TEX29: variants seen among roughly 807,000 people sequenced by gnomAD.
TEX29 encodes the protein testis expressed 29, also known as testis-expressed protein 29.
A neutral mutation model predicts 18.2 loss-of-function variants in TEX29; 26 were observed. That is an observed-to-expected ratio of 1.43 (90% CI 1.04 to 1.98). The LOEUF (loss-of-function observed/expected upper bound fraction) is 1.98, where lower values mean the gene tolerates loss of function less well. Among genes scored for constraint, TEX29 ranks in the 30% most tolerant of loss-of-function variants. TEX29 has a pLI of 0.00. For missense variants in TEX29, 177 were observed against 194.2 expected (o/e 0.91, Z 0.53); for synonymous variants, 83 against 78.5 (o/e 1.06, Z -0.31).
Position 111,320,914 on chromosome 13 carries a change from G to C in TEX29, c.24G>C (p.Lys8Asn), listed in dbSNP as rs1410758028. The change falls in exon 2 of 6, where the codon AAG becomes AAC. Residue 8 changes from lysine to asparagine, a missense_variant. Coordinates refer to ENST00000283547, the MANE Select transcript of TEX29 (RefSeq NM_152324.3). MEYVLEV[K>N]NSPRHLLKQF... is the part of the protein sequence containing the mutation. ...CAATGGAATACGTGCTGGAAGTGAA[G>C]AACTCTCCGCGGCACCTCCTGAAGC... The C allele has an allele frequency of 2.0e-6, 3 of 1,464,570 alleles. No homozygotes were observed. The African/African-American group carries it at 4.4e-5, about 21-fold the overall frequency. The allele number at this position is 1,464,570 out of a possible 1,614,324, so 90.7% of individuals were successfully genotyped here.
rs1049338448 is a variant in TEX29 at position 111,320,742 on chromosome 13, C to T, written c.-55C>T. On this transcript the variant is annotated 5_prime_UTR_variant, in exon 1 of 6. Coordinates refer to ENST00000283547, the MANE Select transcript of TEX29 (RefSeq NM_152324.3). ...AGAGGCACAGGTGGCTGAGGGGACC[C>T]GCCTGGGATGTGAGGCGCAGGTGAG... The T allele has an allele frequency of 7.6e-6, 7 of 916,264 alleles. No homozygotes were observed. The highest frequency in any genetic ancestry group is 3.3e-5 in the African/African-American group (2 of 61,348). The allele number at this position is 916,264 out of a possible 1,614,324, so 56.8% of individuals were successfully genotyped here.
At chr13:111,318,684 G>T (rs2093658709), upstream of TEX29, among the ~76,000 whole-genome samples, 1 of 152,338 alleles carries the variant, frequency 6.6e-6, no homozygotes, top group African/African-American at 2.4e-5. Flanking sequence ...GCCCAGGTTG[G>T]TGCCTGCTGT....
Position 111,320,670 on chromosome 13 carries a change from A to G in TEX29, c.-127A>G. ...GTGAGCGGCAGACAGAGGGGTGGCC[A>G]GTTTGTTGTTTTACCTAAAAGGTGT... On this transcript the variant is annotated 5_prime_UTR_variant, in exon 1 of 6. Coordinates refer to ENST00000283547, the MANE Select transcript of TEX29 (RefSeq NM_152324.3). The G allele has an allele frequency of 1.7e-6, 1 of 596,700 alleles. No individual in the cohort carries two copies. Among genetic ancestry groups the G allele is most frequent in the Non-Finnish European group, 3.0e-6 (1 of 330,922 alleles). The allele number at this position is 596,700 out of a possible 1,614,324, so 37.0% of individuals were successfully genotyped here. A position where few individuals can be genotyped will look rare whatever the true frequency, so the allele number is the denominator to read the frequency against.
intron 2 of TEX29, among the ~76,000 whole-genome samples, chr13:111,325,023 G>T (rs2093670505): frequency 6.6e-6 from 1 of 152,166 alleles, no homozygotes. Flanking sequence ...CACGCAGACG[G>T]GGTGACGGGA....
In TEX29 at chr13:111,335,962, G is replaced by A. The variant is rs1026269113; in HGVS notation, c.170-3901G>A. ...CCTGTTTGTAAGTGTTGGCATGTAT[G>A]TCGAACATGGCTTAAGTTAGAACAA... On this transcript the variant is annotated intron_variant, in intron 3 of 5. Coordinates refer to ENST00000283547, the MANE Select transcript of TEX29 (RefSeq NM_152324.3). Among the ~76,000 whole-genome samples the A allele has an allele frequency of 3.3e-5, 5 of 152,188 alleles. No homozygotes were observed. The East Asian group carries it at 9.6e-4, about 29-fold the overall frequency.
intron 2 of TEX29, among the ~76,000 whole-genome samples, chr13:111,321,516 G>A (rs1257112911): frequency 6.6e-6 from 1 of 152,172 alleles, no homozygotes; most frequent in Non-Finnish European, 1.5e-5. Context: ...TCCCCCGGGA[G>A]GCAGGAGATG....
At chr13:111,327,199 C>T (rs1270743361) in intron 2 of TEX29, among the ~76,000 whole-genome samples, 2 of 152,230 alleles carry the variant, frequency 1.3e-5, no homozygotes, top group South Asian at 2.1e-4. Context: ...GGCATCGCCT[C>T]GGCAGGGCTC....
rs555694016 is a variant in TEX29, at chr13:111,339,874, G to C, written c.181G>C (p.Val61Leu). The change falls in exon 4 of 6, where the codon GTG becomes CTG. Residue 61 changes from valine to leucine, a missense_variant. Val to Leu is a conservative substitution (Grantham distance 32). Coordinates refer to ENST00000283547, the MANE Select transcript of TEX29 (RefSeq NM_152324.3). ...YKKAVPIYIH[V>L]FSALIVIIAG... ...CCACCATTTTTCAGTTTACATCCAC[G>C]TGTTCTCTGCCTTGATTGTGATCAT... The C allele has an allele frequency of 8.1e-6, 13 of 1,612,978 alleles. No homozygotes were observed. Among genetic ancestry groups the C allele is most frequent in the African/African-American group, 5.4e-5 (4 of 74,520 alleles).
chr13:111,336,972 C>T (rs1430174241), intron 3 of TEX29, among the ~76,000 whole-genome samples: 1 of 152,224 alleles, frequency 6.6e-6, no homozygotes, highest in Non-Finnish European at 1.5e-5. Flanking sequence ...CAGGACTTCA[C>T]TCACATAATT....
intron 3 of TEX29, among the ~76,000 whole-genome samples, chr13:111,332,783 A>AT (rs201840114): frequency 2.5e-3 from 384 of 151,338 alleles, no homozygotes; most frequent in African/African-American, 8.7e-3. Context: ...AGGGTGTTGG[A>AT]TTTTTTTTTC....
intron 4 of TEX29, 93 bp downstream of exon 4, chr13:111,340,025 T>C: frequency 5.7e-6 from 7 of 1,219,728 alleles, no homozygotes; most frequent in Non-Finnish European, 8.5e-6. Flanking sequence ...CCTTCGGGCT[T>C]GGTGCTGCTG....
intron 2 of TEX29, among the ~76,000 whole-genome samples, chr13:111,322,126 G>A (rs375915227): frequency 1.2e-4 from 19 of 152,318 alleles, no homozygotes; most frequent in Non-Finnish European, 1.6e-4. Context: ...GGAATGTGTG[G>A]CATCTGCCAG....
At chr13:111,325,472 C>T (rs1001327788) in intron 2 of TEX29, among the ~76,000 whole-genome samples, 68 of 152,328 alleles carry the variant, frequency 4.5e-4, no homozygotes, top group African/African-American at 1.4e-3. Flanking sequence ...TCAGCCCTGC[C>T]GATCCCCCAC....
chr13:111,322,580 G>A (rs2093666566), intron 2 of TEX29, among the ~76,000 whole-genome samples: 1 of 152,142 alleles, frequency 6.6e-6, no homozygotes, highest in Admixed American at 6.5e-5. Context: ...TCTCAGGTGT[G>A]CCAGGTCACC....
At chr13:111,329,705 G>T (rs971707016) in intron 3 of TEX29, among the ~76,000 whole-genome samples, 10 of 152,098 alleles carry the variant, frequency 6.6e-5, no homozygotes, top group Non-Finnish European at 1.2e-4. Flanking sequence ...CTTTAGGCTG[G>T]GAAGAGGGGC....
Position 111,322,913 on chromosome 13 carries a change from A to G in TEX29, c.58+1965A>G, listed in dbSNP as rs2093667081. Among the ~76,000 whole-genome samples, 3 of 152,206 alleles carry G rather than the reference A, an allele frequency of 2.0e-5. No homozygotes were observed. The South Asian group carries it at 6.2e-4, about 32-fold the overall frequency. On this transcript the variant is annotated intron_variant, in intron 2 of 5. Transcript: ENST00000283547. ...CCTCAGCGGGCAGGTGGGGAGCTGGAACCTTTAGCCACAGTGGCTGGCCCT... is the reference window on the plus strand; with the variant it reads ...CCTCAGCGGGCAGGTGGGGAGCTGGGACCTTTAGCCACAGTGGCTGGCCCT...
intron 2 of TEX29, among the ~76,000 whole-genome samples, chr13:111,324,225 G>A (rs1031198123): frequency 3.9e-5 from 6 of 152,164 alleles, no homozygotes; most frequent in African/African-American, 1.4e-4. Flanking sequence ...TTGGAAACCT[G>A]TCTGTGGTTG....
upstream of TEX29, among the ~76,000 whole-genome samples, chr13:111,317,539 TG>T (rs2093656575): frequency 1.3e-5 from 2 of 152,174 alleles, no homozygotes; most frequent in Admixed American, 1.3e-4. Flanking sequence ...TTGTTTTATT[TG>T]GGGTTGCTTT....
In TEX29 at chr13:111,327,344, G is replaced by A. The variant is rs149507955; in HGVS notation, c.59-839G>A. Among the ~76,000 whole-genome samples the A allele has an allele frequency of 1.2e-3, 190 of 152,328 alleles. 4 individuals carry two copies. In the East Asian group the frequency reaches 0.033, roughly 26 times the overall value. ...AGGAACACAAATGGGGCTCCTCAAG[G>A]GTCAAGAAGGCCGGGCAGCTCCCCT... On this transcript the variant is annotated intron_variant, in intron 2 of 5. Transcript: ENST00000283547.
Sources: gnomAD v4.1 joint callset for allele counts (sites outside exome capture counted in the v4.1 genomes callset) on GRCh38, gnomAD v4.1.1 for gene constraint, MANE v1.5 for transcripts, NCBI Gene and HGNC (gene_info 2026-07-23, HGNC 2026-07-21) for gene names.